The following SEMA5A variants were observed in gnomAD, a reference collection of about 807,000 sequenced individuals.
SEMA5A encodes the protein semaphorin-5A.
Under a neutral mutation model 135.5 loss-of-function variants are expected in SEMA5A, and 55 were observed. The ratio of observed to expected loss-of-function variants is 0.41; its 90% CI spans 0.33 to 0.51. The LOEUF (loss-of-function observed/expected upper bound fraction) is 0.51, where lower values mean the gene tolerates loss of function less well. SEMA5A is among the 20% of genes least tolerant of loss of function. SEMA5A has a pLI of 0.37. For missense variants in SEMA5A, 1,290 were observed against 1,419.9 expected, an observed-to-expected ratio of 0.91 and a Z score of 1.47; for synonymous variants, 580 against 546.5, an observed-to-expected ratio of 1.06 and a Z score of -0.85.
At chr5:9,215,894 GT>G (rs1281500586) in intron 8 of SEMA5A, among the ~76,000 whole-genome samples, 1 of 151,508 alleles carries the variant, frequency 6.6e-6, no homozygotes, top group African/African-American at 2.4e-5. Context: ...ATTTCCTTCA[GT>G]TCAGCTCTGA....
At chr5:9,317,713 G>A (rs904707959) in intron 5 of SEMA5A, among the ~76,000 whole-genome samples, 4 of 152,056 alleles carry the variant, frequency 2.6e-5, no homozygotes, top group African/African-American at 9.7e-5. Flanking sequence ...TAGTCTGTAG[G>A]GAGTTCCAGA....
chr5:9,176,759 G>A (rs1256853707), intron 11 of SEMA5A, among the ~76,000 whole-genome samples: 1 of 152,102 alleles, frequency 6.6e-6, no homozygotes, highest in Non-Finnish European at 1.5e-5. Context: ...ACCCAAGGAT[G>A]GCCACTCTGC....
chr5:9,156,607 C>T (rs1171066367), intron 11 of SEMA5A, among the ~76,000 whole-genome samples: 2 of 152,148 alleles, frequency 1.3e-5, no homozygotes, highest in Non-Finnish European at 2.9e-5. Flanking sequence ...CTGGGTGAAA[C>T]AGGAGCTTTC....
At chr5:9,351,265 G>A (rs542955276) in intron 3 of SEMA5A, among the ~76,000 whole-genome samples, 3 of 152,094 alleles carry the variant, frequency 2.0e-5, no homozygotes, top group East Asian at 3.9e-4. Flanking sequence ...CTAGACAAAT[G>A]CCACTCATGA....
intron 8 of SEMA5A, among the ~76,000 whole-genome samples, chr5:9,223,521 G>C (rs1214666584): frequency 6.6e-6 from 1 of 152,168 alleles, no homozygotes; most frequent in Non-Finnish European, 1.5e-5. Flanking sequence ...TGAAAATGCT[G>C]CTAGACATCC....
intron 1 of SEMA5A, among the ~76,000 whole-genome samples, chr5:9,473,383 T>TGAAAAA (rs375160174): frequency 3.8e-5 from 3 of 79,704 alleles, no homozygotes; most frequent in African/African-American, 1.5e-4. Context: ...CAATCAGTGG[T>TGAAAAA]AAAAAAAAAA....
chr5:9,222,052 GC>G (rs549623162), intron 8 of SEMA5A, among the ~76,000 whole-genome samples: 7 of 152,140 alleles, frequency 4.6e-5, no homozygotes, highest in African/African-American at 4.8e-5. Context: ...CCAAGGGGTG[GC>G]CCCCCCTGGG....
At chr5:9,326,545 C>G (rs1004634049) in intron 4 of SEMA5A, among the ~76,000 whole-genome samples, 1 of 151,850 alleles carries the variant, frequency 6.6e-6, no homozygotes. Flanking sequence ...TGAGGGAGGC[C>G]GAAGCAGACA....
intron 1 of SEMA5A, among the ~76,000 whole-genome samples, chr5:9,493,521 G>A (rs972441631): frequency 6.6e-6 from 1 of 152,078 alleles, no homozygotes; most frequent in South Asian, 2.1e-4. Context: ...CATCAGTACA[G>A]TATTTCTGTT....
chr5:9,321,640 T>C (rs1389348374), intron 4 of SEMA5A, among the ~76,000 whole-genome samples: 1 of 152,220 alleles, frequency 6.6e-6, no homozygotes, highest in African/African-American at 2.4e-5. Context: ...GTCTGACCCA[T>C]TGTAAGCATC....
At chr5:9,396,501 T>C (rs1385937862) in intron 2 of SEMA5A, among the ~76,000 whole-genome samples, 2 of 152,110 alleles carry the variant, frequency 1.3e-5, no homozygotes, top group Non-Finnish European at 2.9e-5. Flanking sequence ...AGGATACCTC[T>C]GCATACCTAC....
chr5:9,099,927 G>T (rs1739527762), intron 16 of SEMA5A, among the ~76,000 whole-genome samples: 1 of 152,214 alleles, frequency 6.6e-6, no homozygotes, highest in African/African-American at 2.4e-5. Flanking sequence ...TGTGTGCAGA[G>T]AAAGAAAGGG....
chr5:9,140,072 T>C, intron 12 of SEMA5A, among the ~76,000 whole-genome samples: 1 of 152,208 alleles, frequency 6.6e-6, no homozygotes, highest in East Asian at 1.9e-4. Flanking sequence ...GTGAGTATGG[T>C]TTCTTTTCCC....
chr5:9,044,055 G>C (rs1414285679), intron 22 of SEMA5A, among the ~76,000 whole-genome samples: 1 of 152,178 alleles, frequency 6.6e-6, no homozygotes, highest in Admixed American at 6.5e-5. Context: ...TCTACCATCT[G>C]AGTGAGGGGA....
At chr5:9,178,574 C>T (rs1310136899) in intron 11 of SEMA5A, among the ~76,000 whole-genome samples, 1 of 152,144 alleles carries the variant, frequency 6.6e-6, no homozygotes, top group Non-Finnish European at 1.5e-5. Context: ...TCATGATCCG[C>T]CTGCCTCGGC....
At chr5:9,494,806 T>C (rs545479212) in intron 1 of SEMA5A, among the ~76,000 whole-genome samples, 77 of 152,354 alleles carry the variant, frequency 5.1e-4, no homozygotes, top group African/African-American at 1.8e-3. Flanking sequence ...AGGCAAGAGA[T>C]GTTTCCAAAA....
At chr5:9,169,773 G>C (rs187423385) in intron 11 of SEMA5A, among the ~76,000 whole-genome samples, 1 of 152,224 alleles carries the variant, frequency 6.6e-6, no homozygotes, top group East Asian at 1.9e-4. Context: ...TCTGTGATGG[G>C]CCACTCAAAT....
chr5:9,349,181 C>T (rs1485741094), intron 3 of SEMA5A, among the ~76,000 whole-genome samples: 1 of 152,052 alleles, frequency 6.6e-6, no homozygotes, highest in Non-Finnish European at 1.5e-5. Flanking sequence ...GCCTCTTTGC[C>T]GAAGTACAGA....
chr5:9,245,851 A>C (rs1748452852), intron 5 of SEMA5A, among the ~76,000 whole-genome samples: 1 of 152,188 alleles, frequency 6.6e-6, no homozygotes, highest in Non-Finnish European at 1.5e-5. Context: ...AAGGAACCAA[A>C]TTTATCTGAT....
Sources: gnomAD v4.1 joint callset for allele counts (sites outside exome capture counted in the v4.1 genomes callset) on GRCh38, gnomAD v4.1.1 for gene constraint, MANE v1.5 for transcripts, NCBI Gene and HGNC (gene_info 2026-07-23, HGNC 2026-07-21) for gene names.